Variants in APBB1IP observed in about 807,000 individuals in gnomAD.
APBB1IP encodes the protein amyloid beta precursor protein binding family B member 1 interacting protein, also known as amyloid beta A4 precursor protein-binding family B member 1-interacting protein.
In APBB1IP, 27 loss-of-function variants were observed where a neutral mutation model predicts 64.9. The observed-to-expected ratio is 0.42, with a 90% CI of 0.31 to 0.57. The LOEUF is 0.57. Among genes scored for constraint, APBB1IP ranks in the 20% least tolerant of loss-of-function variants. The pLI is 0.20. For missense variants in APBB1IP, 812 were observed against 845.5 expected (o/e 0.96, Z 0.49); for synonymous variants, 392 against 331.0 (o/e 1.18, Z -2.00).
In APBB1IP at chr10:26,499,101, C is replaced by A. The variant is rs985870523; in HGVS notation, c.161-1718C>A. On this transcript the variant is annotated intron_variant, in intron 4 of 14. Transcript: ENST00000376236. ...CAACATAATGAGACCACTGTCTCTACAAAAAAATTAAAAAATTAGCCAGGC... is the reference window on the plus strand; with the variant it reads ...CAACATAATGAGACCACTGTCTCTAAAAAAAAATTAAAAAATTAGCCAGGC... 4.6e-4 allele frequency among the ~76,000 whole-genome samples: 70 copies of A among 151,830 alleles called. 1 individual carries two copies. Among genetic ancestry groups the A allele is most frequent in the African/African-American group, 1.6e-3 (68 of 41,428 alleles).
intron 2 of APBB1IP, among the ~76,000 whole-genome samples, chr10:26,483,137 A>G (rs2132423815): frequency 6.6e-6 from 1 of 151,992 alleles, no homozygotes; most frequent in Middle Eastern, 3.4e-3. Context: ...CTAGGATACA[A>G]ACATTTTTCT....
chr10:26,561,138 A>G (rs1378501552), intron 13 of APBB1IP, among the ~76,000 whole-genome samples: 4 of 122,278 alleles, frequency 3.3e-5, no homozygotes, highest in African/African-American at 6.5e-5. Context: ...GCGGGATCTC[A>G]GCTCACTGCA....
rs146039817 is a variant in APBB1IP at position 26,566,580 on chromosome 10, T to C, written c.1474-381T>C. Among the ~76,000 whole-genome samples the C allele has an allele frequency of 1.8e-3, 269 of 152,294 alleles. 2 individuals are homozygous for C. Among genetic ancestry groups the C allele is most frequent in the African/African-American group, 6.2e-3 (258 of 41,542 alleles). ...AAATATTAAAAAATTAGAAAAATGATTATTTTTAATTTTAAAGACCATTTA... is the reference window on the plus strand; with the variant it reads ...AAATATTAAAAAATTAGAAAAATGACTATTTTTAATTTTAAAGACCATTTA... On this transcript the variant is annotated intron_variant, in intron 14 of 14. Transcript: ENST00000376236.
At chr10:26,545,955 A>G (rs1588614321) in intron 11 of APBB1IP, among the ~76,000 whole-genome samples, 2 of 146,490 alleles carry the variant, frequency 1.4e-5, no homozygotes, top group East Asian at 3.9e-4. Context: ...TGTCTCAAAG[A>G]AAAAAAAAAA....
chr10:26,454,170 G>T (rs1835495767), intron 2 of APBB1IP, among the ~76,000 whole-genome samples: 1 of 152,232 alleles, frequency 6.6e-6, no homozygotes, highest in African/African-American at 2.4e-5. Flanking sequence ...GCCCAGTGCA[G>T]TGGCTCACGC....
intron 6 of APBB1IP, among the ~76,000 whole-genome samples, chr10:26,506,369 C>T (rs1311187396): frequency 1.3e-5 from 2 of 152,066 alleles, no homozygotes; most frequent in East Asian, 1.9e-4. Flanking sequence ...CACCCAGCCT[C>T]CCAAGTAGCT....
intron 8 of APBB1IP, among the ~76,000 whole-genome samples, chr10:26,530,287 A>C (rs1367486291): frequency 6.8e-6 from 1 of 147,422 alleles, no homozygotes; most frequent in Non-Finnish European, 1.5e-5. Context: ...GGACTCAAAC[A>C]CCTGGGCTCA....
chr10:26,511,985 T>G, intron 7 of APBB1IP, 79 bp downstream of exon 7: 1 of 1,460,426 alleles, frequency 6.8e-7, no homozygotes, highest in South Asian at 1.3e-5. Flanking sequence ...GTTTATTCTT[T>G]TTTTCTCTTT....
At chr10:26,495,694 A>G (rs1039017751) in intron 3 of APBB1IP, among the ~76,000 whole-genome samples, 1 of 149,670 alleles carries the variant, frequency 6.7e-6, no homozygotes, top group Non-Finnish European at 1.5e-5. Flanking sequence ...GGTTTTTGCT[A>G]TTTCTTTGTT....
At chr10:26,500,179 C>T (rs1017039094) in intron 4 of APBB1IP, among the ~76,000 whole-genome samples, 1 of 149,308 alleles carries the variant, frequency 6.7e-6, no homozygotes, top group South Asian at 2.1e-4. Flanking sequence ...CTATGGCACT[C>T]CAGCCTGGGC....
intron 2 of APBB1IP, among the ~76,000 whole-genome samples, chr10:26,482,380 G>A (rs532655030): frequency 6.6e-6 from 1 of 152,254 alleles, no homozygotes; most frequent in South Asian, 2.1e-4. Flanking sequence ...CATATGCTGT[G>A]TTATTCTGTG....
At chr10:26,555,596 T>C (rs1734017707) in intron 11 of APBB1IP, among the ~76,000 whole-genome samples, 1 of 152,120 alleles carries the variant, frequency 6.6e-6, no homozygotes, top group African/African-American at 2.4e-5. Flanking sequence ...ATTCCTCTTT[T>C]TGTTGTTTTT....
At chr10:26,513,448 G>T in intron 7 of APBB1IP, 91 bp from the exon 8 acceptor site, 1 of 1,449,646 alleles carries the variant, frequency 6.9e-7, no homozygotes, top group Non-Finnish European at 9.5e-7. Flanking sequence ...CCTGATGAAA[G>T]TCATGAAGCA....
At chr10:26,461,914 T>C (rs1015418264) in intron 2 of APBB1IP, among the ~76,000 whole-genome samples, 2 of 152,228 alleles carry the variant, frequency 1.3e-5, no homozygotes, top group Non-Finnish European at 2.9e-5. Flanking sequence ...TGTGTATATA[T>C]TTACTTCACA....
intron 8 of APBB1IP, among the ~76,000 whole-genome samples, chr10:26,522,940 G>GT (rs1353911488): frequency 3.5e-5 from 5 of 144,648 alleles, no homozygotes; most frequent in Admixed American, 2.1e-4. Flanking sequence ...GGAGGTGGAG[G>GT]TTGCAGTGAG....
At chr10:26,446,891 A>AGACAG (rs1564346876) in intron 2 of APBB1IP, among the ~76,000 whole-genome samples, 6 of 150,388 alleles carry the variant, frequency 4.0e-5, no homozygotes, top group Admixed American at 2.0e-4. Flanking sequence ...GATAGATAGA[A>AGACAG]ATAGATAGAT....
intron 8 of APBB1IP, among the ~76,000 whole-genome samples, chr10:26,531,535 C>T (rs1252810581): frequency 6.6e-6 from 1 of 151,566 alleles, no homozygotes; most frequent in East Asian, 2.0e-4. Context: ...GGCGCGATGG[C>T]GGGCGCCTGT....
intron 3 of APBB1IP, among the ~76,000 whole-genome samples, chr10:26,494,061 CTTT>C (rs2132431904): frequency 6.6e-6 from 1 of 152,228 alleles, no homozygotes; most frequent in Non-Finnish European, 1.5e-5. Context: ...TGGATATCAT[CTTT>C]AGTAAAGACT....
At chr10:26,547,523 C>T (rs1451982751) in intron 11 of APBB1IP, among the ~76,000 whole-genome samples, 2 of 152,088 alleles carry the variant, frequency 1.3e-5, no homozygotes, top group Non-Finnish European at 2.9e-5. Context: ...CTCACTGCAA[C>T]CTCCGCCTCT....
Sources: gnomAD v4.1 joint callset for allele counts (sites outside exome capture counted in the v4.1 genomes callset) on GRCh38, gnomAD v4.1.1 for gene constraint, MANE v1.5 for transcripts, NCBI Gene and HGNC (gene_info 2026-07-23, HGNC 2026-07-21) for gene names.